Variants in MAN1B1 observed in about 807,000 individuals in gnomAD.
MAN1B1 encodes mannosidase alpha class 1B member 1, also known as endoplasmic reticulum mannosyl-oligosaccharide 1,2-alpha-mannosidase.
A neutral mutation model predicts 75.5 loss-of-function variants in MAN1B1; 66 were observed. That is an observed-to-expected ratio of 0.87 (90% CI 0.72 to 1.07). The LOEUF is 1.07. Ranked by LOEUF, MAN1B1 falls within the 50% of genes least tolerant of loss-of-function variation. MAN1B1 has a pLI of 0.00. For missense variants in MAN1B1, 973 were observed against 912.5 expected, an observed-to-expected ratio of 1.07 and a Z score of -0.85; for synonymous variants, 453 against 382.8, an observed-to-expected ratio of 1.18 and a Z score of -2.14.
At chr9:137,089,400 G>C (rs1234660444) in intron 3 of MAN1B1, 1 of 310,514 alleles carries the variant, frequency 3.2e-6, no homozygotes, top group African/African-American at 2.2e-5. Context: ...GAGGGTTCAG[G>C]GGAGGCCGTG....
At chr9:137,101,337 A>G (rs1387995404) in intron 7 of MAN1B1, 147 bp from the exon 8 acceptor site, 3 of 1,065,382 alleles carry the variant, frequency 2.8e-6, no homozygotes, top group African/African-American at 1.6e-5. Flanking sequence ...TTGTAGAGAC[A>G]TTCACTCAGT....
intron 3 of MAN1B1, chr9:137,094,466 C>G (rs1411264922): frequency 2.4e-6 from 1 of 413,530 alleles, no homozygotes; most frequent in East Asian, 6.6e-5. Flanking sequence ...CACAGTGGAA[C>G]TAGTGGCTCA....
chr9:137,103,994 G>A (rs1443267336), intron 8 of MAN1B1: 16 of 454,488 alleles, frequency 3.5e-5, no homozygotes, highest in South Asian at 1.7e-4. Flanking sequence ...CATGCAGGTC[G>A]GTGGTGTTAC....
In MAN1B1 at chr9:137,088,364, T is replaced by C. The variant is rs754584585; in HGVS notation, c.328+181T>C. Reference sequence around the variant, plus strand: ...CACCTGGCTAGAACACAGATGTTAATTTGATGCTGTCTGACTACTTTCTAG... The same window carrying C: ...CACCTGGCTAGAACACAGATGTTAACTTGATGCTGTCTGACTACTTTCTAG... On this transcript the variant is annotated intron_variant, in intron 2 of 12. Coordinates refer to ENST00000371589, the MANE Select transcript of MAN1B1 (RefSeq NM_016219.5). 10 of 1,591,218 alleles carry C rather than the reference T, an allele frequency of 6.3e-6. No homozygotes were observed. The East Asian group carries it at 1.6e-4, about 25-fold the overall frequency.
At chr9:137,104,587 G>A (rs906848732) in intron 8 of MAN1B1, 12 of 172,932 alleles carry the variant, frequency 6.9e-5, no homozygotes, top group Non-Finnish European at 1.3e-4. Context: ...CTTCATACGC[G>A]AAAGATGCTT....
intron 8 of MAN1B1, chr9:137,102,913 C>CACACTTGCAGGCGTGCAGGTCGGTGGTT (rs1830916114): frequency 4.0e-6 from 1 of 249,596 alleles, no homozygotes. Flanking sequence ...TGGTGTTACA[C>CACACTTGCAGGCGTGCAGGTCGGTGGTT]ACATTCACGC....
In MAN1B1 at chr9:137,099,744, C is replaced by T. The variant is rs772286895; in HGVS notation, c.779C>T (p.Ala260Val). 6.2e-7 allele frequency: 1 copy of T among 1,614,248 alleles called. No homozygotes were observed. The highest frequency in any genetic ancestry group is 1.3e-5 in the African/African-American group (1 of 75,080). Residue 260 changes from alanine (A) to valine (V), a missense_variant, in exon 6 of 13, where the codon GCA becomes GTA. By Grantham distance (64) the Ala-to-Val change is moderately conservative. Transcript: ENST00000371589. ...QKGVIDVFLH[A>V]WKGYRKFAWG... is the part of the protein sequence containing the mutation. ...GGCGTGATTGACGTCTTCCTGCATG[C>T]ATGGAAAGGATACCGCAAGTTTGCA... is the stretch of plus-strand genomic sequence containing the variant.
chr9:137,088,042 A>G, intron 1 of MAN1B1, 33 bp from the exon 2 acceptor site: 1 of 1,499,186 alleles, frequency 6.7e-7, no homozygotes, highest in South Asian at 1.1e-5. Context: ...TGATATATTC[A>G]GTAAGAAATG....
At chr9:137,101,907 G>T in intron 8 of MAN1B1, 2 of 656,270 alleles carry the variant, frequency 3.0e-6, no homozygotes, top group Non-Finnish European at 2.8e-6. Flanking sequence ...TGTTGCAGGC[G>T]TGCAGGTCGG....
chr9:137,088,712 C>A (rs1213042496), intron 2 of MAN1B1, among the ~76,000 whole-genome samples, 157 bp from the exon 3 acceptor site: 1 of 152,232 alleles, frequency 6.6e-6, no homozygotes, highest in South Asian at 2.1e-4. Context: ...AAAAAGATTT[C>A]ATTCCCTTGG....
chr9:137,089,381 G>C (rs1041017043), intron 3 of MAN1B1: 1 of 344,958 alleles, frequency 2.9e-6, no homozygotes, highest in Non-Finnish European at 5.6e-6. Context: ...AAGAACAGTG[G>C]CTGGTCCTGA....
At position 137,107,374 on chromosome 9, in the gene MAN1B1, A is replaced by G; in HGVS notation, c.1691A>G (p.Glu564Gly). 2.5e-6 allele frequency: 4 copies of G among 1,613,408 alleles called. No individual in the cohort carries two copies. Among genetic ancestry groups the G allele is most frequent in the Non-Finnish European group, 3.4e-6 (4 of 1,180,004 alleles). Residue 564 changes from glutamate to glycine, a missense_variant, in exon 11 of 13, where the codon GAG (glutamate) becomes GGG (glycine). Coordinates refer to ENST00000371589, the MANE Select transcript of MAN1B1 (RefSeq NM_016219.5). ...ETCYQMNRQM[E>G]TGLSPEIVHF... ...TGTTACCAGATGAACCGGCAGATGG[A>G]GACGGGGCTGAGTCCCGAGATCGTG...
Position 137,105,457 on chromosome 9 carries a change from G to C in MAN1B1, c.1255-668G>C, listed in dbSNP as rs114785617. On this transcript the variant is annotated intron_variant, in intron 8 of 12. Transcript: ENST00000371589. Reference sequence around the variant, plus strand: ...CCCATGGGCACCCCCATGTCACCAGGGCCTCTGGTTGCTGCCGGTACACAG... The same window carrying C: ...CCCATGGGCACCCCCATGTCACCAGCGCCTCTGGTTGCTGCCGGTACACAG... The C allele has an allele frequency of 7.3e-3, 1,397 of 191,956 alleles. 12 individuals carry two copies. Among genetic ancestry groups the C allele is most frequent in the African/African-American group, 0.022 (932 of 41,774 alleles). The allele number at this position is 191,956 out of a possible 1,614,324, so 11.9% of individuals were successfully genotyped here.
chr9:137,091,768 T>C (rs1284571365), intron 3 of MAN1B1, among the ~76,000 whole-genome samples: 3 of 151,654 alleles, frequency 2.0e-5, no homozygotes, highest in Admixed American at 6.6e-5. Context: ...CCTCGTGATC[T>C]GCCCGCCTCA....
At chr9:137,092,630 T>G (rs1830545699) in intron 3 of MAN1B1, among the ~76,000 whole-genome samples, 13 of 152,232 alleles carry the variant, frequency 8.5e-5, no homozygotes. Context: ...CTATTAAGAG[T>G]TAAAGGTTGT....
chr9:137,092,922 C>G (rs767568397), intron 3 of MAN1B1, among the ~76,000 whole-genome samples: 31 of 152,116 alleles, frequency 2.0e-4, no homozygotes, highest in Non-Finnish European at 4.1e-4. Flanking sequence ...AGTCTTAGGA[C>G]TTTTATATTT....
At position 137,088,066 on chromosome 9, in the gene MAN1B1, C is replaced by T. The variant is rs371145691; in HGVS notation, c.220-9C>T. ...CAGTAAGAAATGTCATTCTCTGTAC[C>T]TCCCTTAGAAATGGAAGCAACTGTC... On this transcript the variant is annotated splice_polypyrimidine_tract_variant and intron_variant, in intron 1 of 12. Coordinates refer to ENST00000371589, the MANE Select transcript of MAN1B1 (RefSeq NM_016219.5). The T allele has an allele frequency of 8.1e-6, 13 of 1,601,670 alleles. No homozygotes were observed. The highest frequency in any genetic ancestry group is 6.7e-5 in the East Asian group (3 of 44,836).
chr9:137,108,712 T>C lies in MAN1B1; in HGVS notation c.*121T>C. 1 of 890,394 alleles carries C rather than the reference T, an allele frequency of 1.1e-6. No individual in the cohort carries two copies. The highest frequency in any genetic ancestry group is 1.3e-5 in the South Asian group (1 of 75,276). 55.2% of individuals were successfully genotyped at this position (890,394 alleles called of 1,614,324 possible). A position where few individuals can be genotyped will look rare whatever the true frequency, so the allele number is the denominator to read the frequency against. ...CAAGTGGCCCAGGCTCTGAACTGGC[T>C]CTGGGCTCCTCCTCGTCTCTGCTTT... On this transcript the variant is annotated 3_prime_UTR_variant, in exon 13 of 13. Transcript: ENST00000371589.
chr9:137,101,251 C>T (rs1830801590), intron 7 of MAN1B1, 98 bp downstream of exon 7: 1 of 1,484,362 alleles, frequency 6.7e-7, no homozygotes, highest in African/African-American at 1.4e-5. Context: ...CTTCCTGTTT[C>T]CTCTTCAAAT....
Sources: allele counts gnomAD v4.1 joint callset (sites outside exome capture counted in the v4.1 genomes callset), GRCh38; gene constraint gnomAD v4.1.1; transcripts MANE v1.5; gene names NCBI Gene and HGNC (gene_info 2026-07-23, HGNC 2026-07-21).